The following GPC5 variants were observed in gnomAD, a reference collection of about 807,000 sequenced individuals.
GPC5 encodes the protein glypican-5.
GPC5 carries 47 observed loss-of-function variants against 53.9 expected under a neutral mutation model. The ratio of observed to expected loss-of-function variants is 0.87; its 90% CI spans 0.69 to 1.11. The LOEUF (loss-of-function observed/expected upper bound fraction) is 1.11. Ranked by LOEUF, GPC5 falls within the 50% of genes most tolerant of loss-of-function variation. The pLI is 0.00. For missense variants in GPC5, 748 were observed against 713.1 expected (o/e 1.05, Z -0.56); for synonymous variants, 286 against 263.3 (o/e 1.09, Z -0.84).
At chr13:91,895,501 A>G (rs1015694522) in intron 5 of GPC5, among the ~76,000 whole-genome samples, 2 of 152,186 alleles carry the variant, frequency 1.3e-5, no homozygotes, top group African/African-American at 4.8e-5. Flanking sequence ...GTGTAAGGCT[A>G]CAAAGACCTT....
chr13:91,880,883 C>T (rs559711996), intron 5 of GPC5, among the ~76,000 whole-genome samples: 2 of 152,116 alleles, frequency 1.3e-5, no homozygotes, highest in East Asian at 1.9e-4. Context: ...CTCCGCCTCC[C>T]GGGTTCAAGC....
At chr13:91,848,908 G>A (rs56182611) in intron 5 of GPC5, among the ~76,000 whole-genome samples, 21,172 of 152,082 alleles carry the variant, frequency 0.14, 1,643 homozygotes, top group African/African-American at 0.21. Context: ...ATTTTATGCA[G>A]TATGGTTATT....
chr13:92,309,901 T>C (rs1242424394), intron 7 of GPC5, among the ~76,000 whole-genome samples: 1 of 152,116 alleles, frequency 6.6e-6, no homozygotes, highest in African/African-American at 2.4e-5. Flanking sequence ...CCACATTCTC[T>C]CCCTGCAACC....
intron 2 of GPC5, among the ~76,000 whole-genome samples, chr13:91,650,830 T>G (rs949035416): frequency 3.3e-5 from 5 of 149,620 alleles, no homozygotes; most frequent in Non-Finnish European, 1.5e-5. Flanking sequence ...TTTCTTAATT[T>G]TAATGAAATT....
intron 7 of GPC5, among the ~76,000 whole-genome samples, chr13:92,738,761 A>G (rs953587929): frequency 1.1e-4 from 17 of 152,188 alleles, no homozygotes; most frequent in Admixed American, 2.6e-4. Context: ...GTAGACCAAA[A>G]ATTCTGTAGG....
intron 7 of GPC5, among the ~76,000 whole-genome samples, chr13:92,318,585 A>G (rs942792704): frequency 6.6e-6 from 1 of 152,120 alleles, no homozygotes; most frequent in Admixed American, 6.6e-5. Context: ...TGGCACCCAA[A>G]ACCCTTGACA....
intron 7 of GPC5, among the ~76,000 whole-genome samples, chr13:92,521,261 A>T (rs1434926193): frequency 1.3e-5 from 2 of 152,202 alleles, no homozygotes; most frequent in Non-Finnish European, 2.9e-5. Context: ...TTCTTCACAG[A>T]ATTGGAAAAA....
rs996583564 is a variant in GPC5, at chr13:92,279,403, G to T, written c.1561+134414G>T. ...AAAATTACTGGATTTGTTAAATATTGTTTAATATAGAAAATCATGTCATCT... is the reference window on the plus strand; with the variant it reads ...AAAATTACTGGATTTGTTAAATATTTTTTAATATAGAAAATCATGTCATCT... On this transcript the variant is annotated intron_variant, in intron 7 of 7. Transcript: ENST00000377067. Among the ~76,000 whole-genome samples, 6 of 151,970 alleles carry T rather than the reference G, an allele frequency of 3.9e-5. No individual in the cohort carries two copies. The East Asian group carries it at 1.2e-3, about 29-fold the overall frequency.
intron 7 of GPC5, among the ~76,000 whole-genome samples, chr13:92,780,580 T>C (rs900410648): frequency 1.3e-5 from 2 of 151,994 alleles, no homozygotes; most frequent in Non-Finnish European, 2.9e-5. Context: ...AGGGGACATT[T>C]TCTAATAATA....
intron 7 of GPC5, among the ~76,000 whole-genome samples, chr13:92,849,911 C>T (rs1733723068): frequency 6.6e-6 from 1 of 152,118 alleles, no homozygotes; most frequent in African/African-American, 2.4e-5. Context: ...AGCAGGGATG[C>T]TGACCAATTA....
intron 2 of GPC5, among the ~76,000 whole-genome samples, chr13:91,590,290 G>T (rs954347833): frequency 2.6e-5 from 4 of 151,652 alleles, no homozygotes; most frequent in Admixed American, 2.6e-4. Flanking sequence ...TGCCATTTTT[G>T]ATTATTACGG....
intron 7 of GPC5, among the ~76,000 whole-genome samples, chr13:92,565,776 C>T (rs371764458): frequency 7.2e-4 from 110 of 151,728 alleles, no homozygotes; most frequent in African/African-American, 2.5e-3. Context: ...TAGAAGGGGC[C>T]TATTGATTGA....
At chr13:92,224,551 G>A (rs2042471040) in intron 7 of GPC5, among the ~76,000 whole-genome samples, 2 of 152,316 alleles carry the variant, frequency 1.3e-5, no homozygotes, top group South Asian at 4.1e-4. Context: ...CATTCCCAAA[G>A]CTGATAAGAG....
chr13:92,237,209 T>C (rs2042576935), intron 7 of GPC5, among the ~76,000 whole-genome samples: 1 of 152,120 alleles, frequency 6.6e-6, no homozygotes, highest in African/African-American at 2.4e-5. Context: ...TAAAAGGTCT[T>C]GTGTTTTATT....
chr13:91,812,791 T>C (rs1475054308), intron 5 of GPC5, among the ~76,000 whole-genome samples: 2 of 152,204 alleles, frequency 1.3e-5, no homozygotes, highest in East Asian at 1.9e-4. Context: ...ATCACTTAAC[T>C]GTTGGAGTAA....
chr13:91,416,496 A>G (rs1878238218), intron 1 of GPC5, among the ~76,000 whole-genome samples: 1 of 149,748 alleles, frequency 6.7e-6, no homozygotes, highest in South Asian at 2.1e-4. Flanking sequence ...TCTAGGGTAC[A>G]TGTGCACAAA....
intron 7 of GPC5, among the ~76,000 whole-genome samples, chr13:92,606,086 C>CT (rs917262147): frequency 2.8e-4 from 42 of 151,930 alleles, no homozygotes; most frequent in Admixed American, 1.1e-3. Context: ...TTTTATCTTT[C>CT]TTTTTTTTAT....
chr13:91,988,894 G>C (rs971270586), intron 6 of GPC5, among the ~76,000 whole-genome samples: 1 of 151,878 alleles, frequency 6.6e-6, no homozygotes, highest in South Asian at 2.1e-4. Flanking sequence ...GTCTCACATT[G>C]ATTATCATGT....
intron 2 of GPC5, among the ~76,000 whole-genome samples, chr13:91,602,213 C>G (rs995636717): frequency 2.0e-5 from 3 of 152,222 alleles, no homozygotes; most frequent in Admixed American, 2.0e-4. Context: ...GACACAGATA[C>G]AGTGGAATCC....
Sources: gnomAD v4.1 joint callset for allele counts (sites outside exome capture counted in the v4.1 genomes callset) on GRCh38, gnomAD v4.1.1 for gene constraint, MANE v1.5 for transcripts, NCBI Gene and HGNC (gene_info 2026-07-23, HGNC 2026-07-21) for gene names.